Variants in LYRM4 observed in about 807,000 individuals in gnomAD.
LYRM4 encodes the protein LYR motif-containing protein 4.
LYRM4 carries 9 observed loss-of-function variants against 11.7 expected under a neutral mutation model. The ratio of observed to expected loss-of-function variants is 0.77; its 90% CI spans 0.46 to 1.34. The LOEUF (loss-of-function observed/expected upper bound fraction) is 1.34, where lower values mean the gene tolerates loss of function less well. LYRM4 is among the 40% of genes most tolerant of loss of function. The pLI is 0.00. For missense variants in LYRM4, 133 were observed against 112.5 expected (o/e 1.18, Z -0.82); for synonymous variants, 42 against 40.4 (o/e 1.04, Z -0.15).
intron 2 of LYRM4, among the ~76,000 whole-genome samples, chr6:5,133,057 C>G (rs540594262): frequency 6.6e-6 from 1 of 152,292 alleles, no homozygotes; most frequent in East Asian, 1.9e-4. Flanking sequence ...GGACTGGTTA[C>G]TTTGTCTCTT....
At chr6:5,148,016 G>A (rs1007065133) in intron 2 of LYRM4, among the ~76,000 whole-genome samples, 3 of 152,112 alleles carry the variant, frequency 2.0e-5, no homozygotes, top group Non-Finnish European at 2.9e-5. Flanking sequence ...CACCAAGCTC[G>A]TTAGCACTCC....
At chr6:5,039,168 G>A in the LYRM4 span, among the ~76,000 whole-genome samples, 1 of 151,584 alleles carries the variant, frequency 6.6e-6, no homozygotes, top group African/African-American at 2.4e-5. Flanking sequence ...AAATAAATAT[G>A]TAACACTATA....
chr6:5,055,152 C>G, the LYRM4 span, among the ~76,000 whole-genome samples: 6 of 152,328 alleles, frequency 3.9e-5, no homozygotes, highest in Non-Finnish European at 5.9e-5. The surrounding 1 kb of genome is among the most constrained non-coding windows in gnomAD (Gnocchi z 4.5). Flanking sequence ...CACCTATGAC[C>G]TCGAAGACCC....
chr6:5,200,361 T>C (rs1394714985), intron 2 of LYRM4, among the ~76,000 whole-genome samples: 1 of 152,156 alleles, frequency 6.6e-6, no homozygotes, highest in South Asian at 2.1e-4. Context: ...GTTATTCTAC[T>C]TGGTTGTTAA....
At chr6:5,239,015 A>T (rs975846395) in intron 1 of LYRM4, among the ~76,000 whole-genome samples, 1 of 152,256 alleles carries the variant, frequency 6.6e-6, no homozygotes, top group Non-Finnish European at 1.5e-5. Context: ...TTAAGCAAGC[A>T]GCAGAATCAG....
At chr6:5,260,598 T>TGCCCCGGCCCCGGGCCCCCCGCC in intron 1 of LYRM4, 50 bp downstream of exon 1, 1 of 1,105,570 alleles carries the variant, frequency 9.0e-7, no homozygotes, top group Non-Finnish European at 1.3e-6. Flanking sequence ...GCACCCCCGG[T>TGCCCCGGCCCCGGGCCCCCCGCC]CCCCGGCCCC....
At chr6:5,193,912 G>C (rs985220609) in intron 2 of LYRM4, among the ~76,000 whole-genome samples, 2 of 152,050 alleles carry the variant, frequency 1.3e-5, no homozygotes, top group Middle Eastern at 6.8e-3. Flanking sequence ...TTAATAAAAC[G>C]GATGATCAAA....
chr6:5,054,040 A>G, the LYRM4 span: 1 of 717,722 alleles, frequency 1.4e-6, no homozygotes. Flanking sequence ...GGCTATTTAC[A>G]GGGTACACAA....
chr6:5,048,177 C>A, the LYRM4 span, among the ~76,000 whole-genome samples: 2 of 152,160 alleles, frequency 1.3e-5, no homozygotes, highest in African/African-American at 4.8e-5. Context: ...ATTTTAGTGA[C>A]AAATCTTGAT....
the LYRM4 span, among the ~76,000 whole-genome samples, chr6:5,049,165 G>A: frequency 6.6e-6 from 1 of 152,146 alleles, no homozygotes; most frequent in Non-Finnish European, 1.5e-5. Context: ...TATTGGTCAG[G>A]ACCACCTTCA....
At chr6:5,102,303 T>C (rs453113), downstream of LYRM4, among the ~76,000 whole-genome samples, 115,648 of 151,962 alleles carry the variant, frequency 0.76, 44,585 homozygotes, top group East Asian at 0.93. Context: ...TCTTTGGCAA[T>C]TCTTGACAAG....
intron 1 of LYRM4, among the ~76,000 whole-genome samples, chr6:5,226,874 A>G (rs1762924781): frequency 6.6e-6 from 1 of 152,210 alleles, no homozygotes; most frequent in Admixed American, 6.5e-5. Flanking sequence ...TCCTATTGAT[A>G]TAATAAAAAT....
At chr6:5,136,496 C>A in intron 2 of LYRM4, 1 of 941,210 alleles carries the variant, frequency 1.1e-6, no homozygotes, top group African/African-American at 1.8e-5. Context: ...TTCACCTAAC[C>A]CTGTAGTCTC....
chr6:5,035,598 C>CCTT, the LYRM4 span, among the ~76,000 whole-genome samples: 1 of 170 alleles, frequency 5.9e-3, no homozygotes, highest in Admixed American at 0.12. Flanking sequence ...CCCTCCCTTC[C>CCTT]CCTCCTCCCC....
Position 5,243,460 on chromosome 6 carries a change from T to C in LYRM4, c.86+17188A>G, listed in dbSNP as rs923513386. On this transcript the variant is annotated intron_variant, in intron 1 of 2. Coordinates refer to ENST00000330636, the MANE Select transcript of LYRM4 (RefSeq NM_020408.6). ...AAAGAATTGCAAAATGAAAACAGGT[T>C]GCGCTGAAAGGCAATAACTCTTTCC... Among the ~76,000 whole-genome samples, 8 of 152,312 alleles carry C rather than the reference T, an allele frequency of 5.3e-5. No individual in the cohort carries two copies. In the South Asian group the frequency reaches 1.2e-3, roughly 24 times the overall value.
At chr6:5,202,118 G>A (rs922287100) in intron 2 of LYRM4, among the ~76,000 whole-genome samples, 4 of 152,196 alleles carry the variant, frequency 2.6e-5, no homozygotes, top group African/African-American at 9.6e-5. Context: ...GTTTTTGCAG[G>A]TGCTCAATTA....
chr6:5,153,843 T>C (rs995729378), intron 2 of LYRM4, among the ~76,000 whole-genome samples: 1 of 152,156 alleles, frequency 6.6e-6, no homozygotes, highest in Non-Finnish European at 1.5e-5. Context: ...TGAAAGACTC[T>C]AATAATTTTA....
At chr6:5,068,252 T>G in the LYRM4 span, among the ~76,000 whole-genome samples, 5 of 152,204 alleles carry the variant, frequency 3.3e-5, no homozygotes, top group African/African-American at 1.2e-4. The surrounding 1 kb of genome is among the most constrained non-coding windows in gnomAD (Gnocchi z 4.0). Flanking sequence ...AAATGCGACA[T>G]CAACCATCGT....
intron 2 of LYRM4, among the ~76,000 whole-genome samples, chr6:5,172,038 C>T (rs1328078877): frequency 2.6e-5 from 4 of 152,072 alleles, no homozygotes; most frequent in South Asian, 2.1e-4. Flanking sequence ...AGCTCTGGGT[C>T]GTGTCCTTTA....
Sources: gnomAD v4.1 joint callset for allele counts (sites outside exome capture counted in the v4.1 genomes callset) on GRCh38, gnomAD v4.1.1 for gene constraint, Gnocchi (gnomAD v3.1) non-coding constraint, MANE v1.5 for transcripts, NCBI Gene and HGNC (gene_info 2026-07-23, HGNC 2026-07-21) for gene names.